The following RGS6 variants were observed in gnomAD, a reference collection of about 807,000 sequenced individuals.
The protein encoded by RGS6 is regulator of G protein signaling 6.
A neutral mutation model predicts 78.5 loss-of-function variants in RGS6; 30 were observed. The observed-to-expected ratio is 0.38, with a 90% confidence interval of 0.29 to 0.52. The LOEUF (loss-of-function observed/expected upper bound fraction) is 0.52. Among genes scored for constraint, RGS6 ranks in the 20% least tolerant of loss-of-function variants. The pLI is 0.85. For missense variants in RGS6, 495 were observed against 609.7 expected, an observed-to-expected ratio of 0.81 and a Z score of 1.98; for synonymous variants, 206 against 206.0, an observed-to-expected ratio of 1.00 and a Z score of 0.00.
At chr14:72,133,555 C>G (rs1024079486) in intron 2 of RGS6, among the ~76,000 whole-genome samples, 28 of 152,186 alleles carry the variant, frequency 1.8e-4, no homozygotes, top group African/African-American at 6.7e-4. Flanking sequence ...GGCTACTGTC[C>G]CCTGGCTTGC....
At chr14:72,059,088 C>G (rs111920927) in intron 2 of RGS6, among the ~76,000 whole-genome samples, 1 of 151,888 alleles carries the variant, frequency 6.6e-6, no homozygotes, top group Non-Finnish European at 1.5e-5. Context: ...TTAGTAGAGA[C>G]GGGGTTTTGC....
intron 2 of RGS6, among the ~76,000 whole-genome samples, chr14:72,128,951 C>T (rs1009636582): frequency 3.9e-5 from 6 of 152,154 alleles, no homozygotes; most frequent in African/African-American, 1.4e-4. Context: ...TGTCTGTAGT[C>T]AGTCACGTTT....
the RGS6 span, among the ~76,000 whole-genome samples, chr14:71,876,523 G>C: frequency 1.6e-5 from 1 of 62,800 alleles, no homozygotes; most frequent in Non-Finnish European, 2.8e-5. Flanking sequence ...CTTTCCATTT[G>C]CTTGGTAGAT....
chr14:71,984,470 C>A (rs2094602687), intron 2 of RGS6, among the ~76,000 whole-genome samples: 1 of 8,128 alleles, frequency 1.2e-4, no homozygotes, highest in East Asian at 9.6e-3. Context: ...TATAGTGAGA[C>A]CCTGTCTCAA....
intron 2 of RGS6, among the ~76,000 whole-genome samples, chr14:72,119,878 A>G (rs1014489923): frequency 6.6e-5 from 10 of 152,216 alleles, no homozygotes; most frequent in Non-Finnish European, 1.5e-4. Context: ...AAAGCCTGAA[A>G]CCTTGGCAAA....
chr14:72,415,624 C>T lies in RGS6; in HGVS notation c.185-38904C>T, dbSNP rs537195184. 4.7e-4 allele frequency among the ~76,000 whole-genome samples: 72 copies of T among 152,348 alleles called. No homozygotes were observed. In the Middle Eastern group the frequency reaches 0.017, roughly 36 times the overall value. ...AAATGCACAAATCACCCATCTTCTG[C>T]GCTGGTCATGCTGGGAGCTGTAGAC... On this transcript the variant is annotated intron_variant, in intron 3 of 17. Transcript: ENST00000553525.
intron 2 of RGS6, among the ~76,000 whole-genome samples, chr14:72,235,896 G>A (rs1248870265): frequency 1.3e-5 from 2 of 152,150 alleles, no homozygotes; most frequent in East Asian, 3.8e-4. Flanking sequence ...AGTGAAATTG[G>A]TTTCTTTAAA....
At chr14:71,970,979 A>G (rs1473049847) in intron 2 of RGS6, among the ~76,000 whole-genome samples, 1 of 152,166 alleles carries the variant, frequency 6.6e-6, no homozygotes, top group African/African-American at 2.4e-5. Flanking sequence ...CAGGACTAGC[A>G]CCTGTAAAAG....
the RGS6 span, chr14:72,612,566 C>T: frequency 1.2e-5 from 6 of 485,854 alleles, no homozygotes; most frequent in African/African-American, 8.1e-5. Context: ...GCATCTATCA[C>T]GGCAGAGGGA....
At chr14:72,602,309 G>A in the RGS6 span, among the ~76,000 whole-genome samples, 132 of 152,262 alleles carry the variant, frequency 8.7e-4, no homozygotes, top group Non-Finnish European at 1.5e-3. Flanking sequence ...TTACATGGTC[G>A]ACGAGAGGAT....
Position 72,550,735 on chromosome 14 carries a change from T to C in RGS6, c.1422+10641T>C, listed in dbSNP as rs2097493993. 6 of 1,083,080 alleles carry C rather than the reference T, an allele frequency of 5.5e-6. No individual in the cohort carries two copies. In the South Asian group the frequency reaches 1.2e-4, roughly 21 times the overall value. 67.1% of individuals were successfully genotyped at this position (1,083,080 alleles called of 1,614,324 possible). The stretch of plus-strand genomic sequence containing the variant: ...TTACACCTGATGGAGGTTTTACACC[T>C]GATGGAGGTTTCCTTGGTAGTGATT... On this transcript the variant is annotated intron_variant, in intron 17 of 17. Coordinates refer to ENST00000553525, the MANE Select transcript of RGS6 (RefSeq NM_001204424.2).
intron 5 of RGS6, 57 bp downstream of exon 5, chr14:72,458,434 T>A (rs1458337841): frequency 2.3e-6 from 3 of 1,322,696 alleles, no homozygotes; most frequent in Non-Finnish European, 1.1e-6. Context: ...TCATCTGATC[T>A]TAGGTTAGAA....
intron 2 of RGS6, among the ~76,000 whole-genome samples, chr14:71,976,708 G>A (rs963787991): frequency 6.6e-6 from 1 of 152,090 alleles, no homozygotes; most frequent in African/African-American, 2.4e-5. Flanking sequence ...TCTGAATAAT[G>A]CCGCAATAAA....
chr14:72,483,186 G>A (rs1388557229), intron 12 of RGS6, among the ~76,000 whole-genome samples: 1 of 152,152 alleles, frequency 6.6e-6, no homozygotes, highest in Non-Finnish European at 1.5e-5. Flanking sequence ...GTCCCAAACT[G>A]TCTAGTCTCC....
At chr14:72,628,131 G>A in the RGS6 span, among the ~76,000 whole-genome samples, 1 of 152,052 alleles carries the variant, frequency 6.6e-6, no homozygotes, top group African/African-American at 2.4e-5. Flanking sequence ...ATTAGGTAAT[G>A]TCTCTAGAAT....
chr14:72,232,661 G>T (rs1045354263), intron 2 of RGS6, among the ~76,000 whole-genome samples: 5 of 152,170 alleles, frequency 3.3e-5, no homozygotes, highest in African/African-American at 1.2e-4. Context: ...GCTTGAGGCT[G>T]GGAGGTGAGG....
At chr14:72,133,380 C>T (rs2096369559) in intron 2 of RGS6, among the ~76,000 whole-genome samples, 1 of 152,136 alleles carries the variant, frequency 6.6e-6, no homozygotes, top group Non-Finnish European at 1.5e-5. Context: ...GAGTTTCCCA[C>T]TAAGTTCCCT....
the RGS6 span, among the ~76,000 whole-genome samples, chr14:71,876,483 T>G: frequency 2.4e-5 from 1 of 40,936 alleles, no homozygotes; most frequent in Admixed American, 1.9e-4. Context: ...CTTTTTTTTT[T>G]TTTTTTTTTT....
intron 2 of RGS6, among the ~76,000 whole-genome samples, chr14:72,298,946 A>G (rs945066110): frequency 6.6e-6 from 1 of 152,106 alleles, no homozygotes; most frequent in Non-Finnish European, 1.5e-5. Context: ...TTATGAGTGA[A>G]ATTTCTTTAA....
Sources: allele counts gnomAD v4.1 joint callset (sites outside exome capture counted in the v4.1 genomes callset), GRCh38; gene constraint gnomAD v4.1.1; transcripts MANE v1.5; gene names NCBI Gene and HGNC (gene_info 2026-07-23, HGNC 2026-07-21).